Variants in UNC80 observed in about 807,000 individuals in gnomAD.
UNC80 encodes the protein unc-80 subunit of NALCN channel complex, also known as protein unc-80 homolog.
In UNC80, 164 loss-of-function variants were observed where a neutral mutation model predicts 384.6. That is an observed-to-expected ratio of 0.43 (90% CI 0.38 to 0.49). The LOEUF is 0.49. Among genes scored for constraint, UNC80 ranks in the 20% least tolerant of loss-of-function variants. The pLI is 0.00. For missense variants in UNC80, 3,330 were observed against 4,143.0 expected (o/e 0.80, Z 5.39); for synonymous variants, 1,486 against 1,527.8 (o/e 0.97, Z 0.64).
At chr2:209,960,460 A>T (rs2092555049) in intron 51 of UNC80, among the ~76,000 whole-genome samples, 1 of 152,210 alleles carries the variant, frequency 6.6e-6, no homozygotes, top group Non-Finnish European at 1.5e-5. Context: ...ATTGTTTGTT[A>T]AGGGTGATAA....
intron 6 of UNC80, among the ~76,000 whole-genome samples, chr2:209,791,870 C>T (rs73076710): frequency 0.14 from 19,995 of 147,612 alleles, 1,915 homozygotes; most frequent in African/African-American, 0.26. Context: ...CCAATTCCCC[C>T]TAAACTCTTG....
rs557819856 is a variant in UNC80, at chr2:209,819,430, A to G, written c.1962+169A>G. Among the ~76,000 whole-genome samples the G allele has an allele frequency of 4.6e-5, 7 of 151,790 alleles. No homozygotes were observed. In the South Asian group the frequency reaches 1.5e-3, roughly 32 times the overall value. On this transcript the variant is annotated intron_variant, in intron 12 of 64. Transcript: ENST00000673920. ...CCAATGTTTCAACCATCATAGGTGC[A>G]CCTTACTTTTTTTTCAAGCATTGCA...
intron 19 of UNC80, among the ~76,000 whole-genome samples, chr2:209,840,120 G>A (rs1304382723): frequency 2.0e-5 from 3 of 152,222 alleles, no homozygotes; most frequent in Non-Finnish European, 4.4e-5. Context: ...TCACTGCATG[G>A]AAATCATACT....
chr2:209,987,557 T>G (rs897742493), intron 61 of UNC80, among the ~76,000 whole-genome samples: 4 of 152,182 alleles, frequency 2.6e-5, no homozygotes, highest in African/African-American at 9.7e-5. Context: ...TCCAGAAGAA[T>G]AGAGACATAC....
chr2:209,882,873 T>G (rs992519970), intron 25 of UNC80, among the ~76,000 whole-genome samples: 18 of 152,356 alleles, frequency 1.2e-4, no homozygotes, highest in Admixed American at 1.2e-3. Context: ...TAGAGTTTAA[T>G]GGTCCTTATT....
At chr2:209,959,789 G>A (rs1351234107) in intron 51 of UNC80, 82 bp downstream of exon 51, 3 of 1,281,952 alleles carry the variant, frequency 2.3e-6, no homozygotes, top group Non-Finnish European at 3.2e-6. Flanking sequence ...TTGAGAGTGG[G>A]GGTTCTCCAG....
At chr2:209,888,071 A>C (rs2085991851) in intron 25 of UNC80, 24 bp from the exon 26 acceptor site, 1 of 1,551,224 alleles carries the variant, frequency 6.4e-7, no homozygotes, top group South Asian at 1.2e-5. Context: ...GCCAGCACTC[A>C]TGTGCTCCTC....
At chr2:209,914,824 A>T (rs2089342419) in intron 31 of UNC80, among the ~76,000 whole-genome samples, 4 of 152,148 alleles carry the variant, frequency 2.6e-5, no homozygotes, top group Admixed American at 2.6e-4. Context: ...ATCAGTTTAT[A>T]GTTTTACCTC....
In UNC80 at chr2:209,790,405, A is replaced by G. The variant is rs186584210; in HGVS notation, c.798+800A>G. The stretch of plus-strand genomic sequence containing the variant: ...ATTTTGGAGTCCTATTACATCTACC[A>G]TTTAGTGAGCAATTACTAAGTACAG... On this transcript the variant is annotated intron_variant, in intron 6 of 64. Coordinates refer to ENST00000673920, the MANE Select transcript of UNC80 (RefSeq NM_001371986.1). 9.2e-5 allele frequency among the ~76,000 whole-genome samples: 14 copies of G among 152,306 alleles called. No homozygotes were observed. The East Asian group carries it at 2.7e-3, about 29-fold the overall frequency.
At chr2:209,885,800 G>C (rs1048608820) in intron 25 of UNC80, among the ~76,000 whole-genome samples, 3 of 148,030 alleles carry the variant, frequency 2.0e-5, no homozygotes, top group Non-Finnish European at 4.4e-5. Flanking sequence ...TTGTTGCCCA[G>C]GCTGGAGTGC....
At chr2:209,778,130 C>T (rs566847890) in intron 4 of UNC80, among the ~76,000 whole-genome samples, 128 of 152,282 alleles carry the variant, frequency 8.4e-4, no homozygotes, top group African/African-American at 2.8e-3. Flanking sequence ...TAGCCAGGCG[C>T]GGTGGCTCAC....
chr2:209,882,170 G>A lies in UNC80; in HGVS notation c.4110+1076G>A, dbSNP rs2085354265. Among the ~76,000 whole-genome samples, 4 of 152,076 alleles carry A rather than the reference G, an allele frequency of 2.6e-5. No individual in the cohort carries two copies. The South Asian group carries it at 8.3e-4, about 32-fold the overall frequency. On this transcript the variant is annotated intron_variant, in intron 25 of 64. Coordinates refer to ENST00000673920, the MANE Select transcript of UNC80 (RefSeq NM_001371986.1). ...TTCAGTAGAGACGGGGTTTCACCAT[G>A]TTAGCCGGGATGGTCTCGATCTCCT...
chr2:209,972,739 G>T (rs1017453441), intron 55 of UNC80, among the ~76,000 whole-genome samples: 1 of 152,196 alleles, frequency 6.6e-6, no homozygotes, highest in East Asian at 1.9e-4. Context: ...CTTCTTAGGG[G>T]TAGAGGGATT....
chr2:209,787,500 G>T (rs1394796193), intron 5 of UNC80, among the ~76,000 whole-genome samples: 1 of 152,094 alleles, frequency 6.6e-6, no homozygotes, highest in Non-Finnish European at 1.5e-5. Context: ...TATTTTAAGG[G>T]TTAAATGAGT....
At chr2:209,918,062 C>CT in intron 32 of UNC80, 104 bp downstream of exon 32, 1 of 1,104,498 alleles carries the variant, frequency 9.1e-7, no homozygotes, top group East Asian at 2.6e-5. Context: ...AGATATTCTT[C>CT]TTTTTTCTCT....
intron 7 of UNC80, among the ~76,000 whole-genome samples, chr2:209,805,618 A>G (rs1321582937): frequency 1.3e-5 from 2 of 152,226 alleles, no homozygotes; most frequent in African/African-American, 4.8e-5. Context: ...GTCTCTCCAT[A>G]GGGCTGCTCA....
At chr2:209,956,314 C>CACATTCCTAGTTTCTTTATCTTA (rs2124997946) in intron 48 of UNC80, among the ~76,000 whole-genome samples, 4 of 50 alleles carry the variant, frequency 0.08, no homozygotes, top group Admixed American at 0.17. Context: ...GAATTCTCTG[C>CACATTCCTAGTTTCTTTATCTTA]TCAGGGTTTC....
intron 24 of UNC80, among the ~76,000 whole-genome samples, chr2:209,878,327 A>G (rs1304855339): frequency 1.3e-5 from 2 of 152,186 alleles, no homozygotes; most frequent in African/African-American, 4.8e-5. Flanking sequence ...AAGATGGAAC[A>G]TTTATTCTTT....
At chr2:209,795,368 T>C (rs529044220) in intron 7 of UNC80, 3 of 152,236 alleles carry the variant, frequency 2.0e-5, no homozygotes, top group East Asian at 3.9e-4. Context: ...AAACAGAGCA[T>C]AAAAGTTCAG....
Sources: allele counts gnomAD v4.1 joint callset (sites outside exome capture counted in the v4.1 genomes callset), GRCh38; gene constraint gnomAD v4.1.1; transcripts MANE v1.5; gene names NCBI Gene and HGNC (gene_info 2026-07-23, HGNC 2026-07-21).